SNX4: variants seen among roughly 807,000 people sequenced by gnomAD.
The protein encoded by SNX4 is sorting nexin-4.
In SNX4, 49 loss-of-function variants were observed where a neutral mutation model predicts 70.8. The observed-to-expected ratio is 0.69, with a 90% CI of 0.55 to 0.88. The LOEUF is 0.88. SNX4 is among the 40% of genes least tolerant of loss of function. SNX4 has a pLI of 0.00. For missense variants in SNX4, 528 were observed against 544.8 expected (o/e 0.97, Z 0.31); for synonymous variants, 206 against 183.8 (o/e 1.12, Z -0.98).
intron 7 of SNX4, among the ~76,000 whole-genome samples, chr3:125,479,522 T>TGGCA (rs1934357008): frequency 6.6e-6 from 1 of 151,958 alleles, no homozygotes; most frequent in African/African-American, 2.4e-5. Flanking sequence ...GCCACTGCAC[T>TGGCA]CCAGCCTGGG....
intron 9 of SNX4, among the ~76,000 whole-genome samples, chr3:125,467,592 T>C (rs985910137): frequency 6.6e-6 from 1 of 152,072 alleles, no homozygotes; most frequent in African/African-American, 2.4e-5. Flanking sequence ...TTAACTTAAA[T>C]AACAGAGACT....
chr3:125,504,511 C>T lies in SNX4; in HGVS notation c.263+112G>A, dbSNP rs914818266. On this transcript the variant is annotated intron_variant, in intron 2 of 13. Coordinates refer to ENST00000251775, the MANE Select transcript of SNX4 (RefSeq NM_003794.4). ...AAAAAAGTAAAGAAACAAAGTCAAT[C>T]CCGAAAAAAAAAATAACCTTTAAAA... The T allele has an allele frequency of 2.7e-5, 29 of 1,056,882 alleles. No individual in the cohort carries two copies. The Middle Eastern group carries it at 6.6e-4, about 24-fold the overall frequency. 65.5% of individuals were successfully genotyped at this position (1,056,882 alleles called of 1,614,324 possible).
intron 13 of SNX4, among the ~76,000 whole-genome samples, chr3:125,450,264 A>G (rs985249312): frequency 1.3e-5 from 2 of 152,204 alleles, no homozygotes; most frequent in African/African-American, 2.4e-5. Flanking sequence ...AGTGACTCCA[A>G]AGATCCACGG....
chr3:125,455,270 A>G (rs1311000784), intron 11 of SNX4, among the ~76,000 whole-genome samples: 1 of 152,218 alleles, frequency 6.6e-6, no homozygotes, highest in Admixed American at 6.5e-5. Context: ...TTCCACGTGA[A>G]ATATTAGACG....
At chr3:125,483,519 T>G (rs942480336) in intron 6 of SNX4, among the ~76,000 whole-genome samples, 4 of 152,194 alleles carry the variant, frequency 2.6e-5, no homozygotes, top group Non-Finnish European at 5.9e-5. Flanking sequence ...ATACTTAAAT[T>G]AGGTGAAGCA....
At chr3:125,488,388 T>C (rs896803967) in intron 6 of SNX4, among the ~76,000 whole-genome samples, 2 of 151,760 alleles carry the variant, frequency 1.3e-5, no homozygotes, top group African/African-American at 4.8e-5. Flanking sequence ...GGCAGGAGAA[T>C]TGATTGAACC....
At chr3:125,475,719 G>A (rs1450449206) in intron 8 of SNX4, among the ~76,000 whole-genome samples, 1 of 152,218 alleles carries the variant, frequency 6.6e-6, no homozygotes, top group Non-Finnish European at 1.5e-5. Flanking sequence ...ACTCATGTCT[G>A]TAATCCTAGC....
chr3:125,455,626 T>C (rs1448922404), intron 11 of SNX4, among the ~76,000 whole-genome samples: 1 of 152,224 alleles, frequency 6.6e-6, no homozygotes, highest in Non-Finnish European at 1.5e-5. Context: ...GCCTAGTTTA[T>C]ACATGTGTCC....
intron 1 of SNX4, among the ~76,000 whole-genome samples, chr3:125,517,966 G>A (rs1935317427): frequency 6.6e-6 from 1 of 151,862 alleles, no homozygotes; most frequent in Non-Finnish European, 1.5e-5. Context: ...GACAGGTCAA[G>A]AGACTGCTCA....
Position 125,502,349 on chromosome 3 carries a change from C to CT in SNX4, c.263+2273dup, listed in dbSNP as rs34542195. Among the ~76,000 whole-genome samples, 701 of 148,056 alleles carry CT rather than the reference C, an allele frequency of 4.7e-3. 8 individuals are homozygous for CT. The highest frequency in any genetic ancestry group is 0.013 in the African/African-American group (516 of 40,776). The stretch of plus-strand genomic sequence containing the variant: ...TTCTTACTGTATAAAAATTTTCTTT[C>CT]TTTTTTTTTTTTAGAAGATTCTTTT... On this transcript the variant is annotated intron_variant, in intron 2 of 13. Coordinates refer to ENST00000251775, the MANE Select transcript of SNX4 (RefSeq NM_003794.4).
intron 11 of SNX4, among the ~76,000 whole-genome samples, chr3:125,456,471 G>A (rs772675395): frequency 2.0e-5 from 3 of 152,052 alleles, no homozygotes; most frequent in Non-Finnish European, 4.4e-5. Context: ...GACCACCCTG[G>A]TCAACATGAT....
Position 125,457,316 on chromosome 3 carries a change from C to A in SNX4, c.994G>T (p.Ala332Ser), listed in dbSNP as rs776147076. The A allele has an allele frequency of 7.4e-6, 12 of 1,614,048 alleles. No individual in the cohort carries two copies. Among genetic ancestry groups the A allele is most frequent in the Non-Finnish European group, 9.3e-6 (11 of 1,179,944 alleles). ...ELMQYDLEMA[A>S]QDLASKKQQC... ...TGCTTCTTGGATGCTAAGTCCTGAG[C>A]AGCCATCTCCAAGTCATACTGCATA... The change falls in exon 11 of 14, where the codon GCT becomes TCT. Residue 332 changes from alanine (A) to serine (S), a missense_variant. Transcript: ENST00000251775.
chr3:125,466,664 CA>C (rs1934027698), intron 9 of SNX4, among the ~76,000 whole-genome samples: 1 of 152,142 alleles, frequency 6.6e-6, no homozygotes, highest in South Asian at 2.1e-4. Flanking sequence ...TGGTGGCTCA[CA>C]CCTGTAATCC....
At position 125,495,277 on chromosome 3, in the gene SNX4, T is replaced by TATATATATATAC; in HGVS notation, c.597+2063_597+2064insGTATATATATAT. On this transcript the variant is annotated intron_variant, in intron 5 of 13. Transcript: ENST00000251775. ...ATATATATATATATATATATATATA[T>TATATATATATAC]ACACATACACACACACACACGTATG... is the stretch of plus-strand genomic sequence containing the variant. Among the ~76,000 whole-genome samples the TATATATATATAC allele has an allele frequency of 3.0e-4, 30 of 99,572 alleles. 1 individual carries two copies. The highest frequency in any genetic ancestry group is 1.8e-3 in the South Asian group (5 of 2,832). 65.3% of individuals were successfully genotyped at this position (99,572 alleles called of 152,430 possible). A position where few individuals can be genotyped will look rare whatever the true frequency, so the allele number is the denominator to read the frequency against.
chr3:125,482,014 G>A (rs1176982413), intron 6 of SNX4, among the ~76,000 whole-genome samples: 1 of 151,924 alleles, frequency 6.6e-6, no homozygotes. Flanking sequence ...GACTACATAT[G>A]GGCATCACCA....
At chr3:125,459,432 T>C (rs1933817968) in intron 10 of SNX4, among the ~76,000 whole-genome samples, 1 of 152,160 alleles carries the variant, frequency 6.6e-6, no homozygotes, top group Admixed American at 6.5e-5. Context: ...AGAATTCCAC[T>C]GTACTCAGCA....
At chr3:125,506,900 T>C (rs975681937) in intron 1 of SNX4, among the ~76,000 whole-genome samples, 21 of 105,786 alleles carry the variant, frequency 2.0e-4, no homozygotes, top group African/African-American at 6.7e-4. Context: ...GATAGAAAAC[T>C]TAAAAAGAAG....
At chr3:125,479,438 C>T (rs1002740589) in intron 7 of SNX4, among the ~76,000 whole-genome samples, 6 of 152,014 alleles carry the variant, frequency 3.9e-5, no homozygotes, top group Non-Finnish European at 5.9e-5. Flanking sequence ...GCCTGTAATC[C>T]CAGCTACTCA....
intron 2 of SNX4, among the ~76,000 whole-genome samples, chr3:125,499,648 G>A (rs1934880781): frequency 6.6e-6 from 1 of 151,132 alleles, no homozygotes; most frequent in Non-Finnish European, 1.5e-5. Context: ...TTAATCTCAA[G>A]TTTCAAATTA....
Sources: gnomAD v4.1 joint callset for allele counts (sites outside exome capture counted in the v4.1 genomes callset) on GRCh38, gnomAD v4.1.1 for gene constraint, MANE v1.5 for transcripts, NCBI Gene and HGNC (gene_info 2026-07-23, HGNC 2026-07-21) for gene names.